MFAP3L: variants seen among roughly 807,000 people sequenced by gnomAD.
MFAP3L encodes microfibril associated protein 3 like, also known as microfibrillar-associated protein 3-like.
A neutral mutation model predicts 20.0 loss-of-function variants in MFAP3L; 5 were observed. The observed-to-expected ratio is 0.25, with a 90% CI of 0.13 to 0.53. The LOEUF (loss-of-function observed/expected upper bound fraction) is 0.53. Ranked by LOEUF, MFAP3L falls within the 20% of genes least tolerant of loss-of-function variation. The pLI is 0.96. For synonymous variants in MFAP3L, 219 were observed against 213.0 expected, an observed-to-expected ratio of 1.03 and a Z score of -0.25; for missense variants, 409 against 527.5, an observed-to-expected ratio of 0.78 and a Z score of 2.20.
At chr4:170,027,091 C>T (rs1002351802), upstream of MFAP3L, 1 of 151,872 alleles carries the variant, frequency 6.6e-6, no homozygotes, top group Admixed American at 6.6e-5. Context: ...GTAATTTCCA[C>T]GTTTTTTCTA....
At position 169,992,421 on chromosome 4, in the gene MFAP3L, C is replaced by T. The variant is rs1737790512; in HGVS notation, c.299-112G>A. On this transcript the variant is annotated intron_variant, in intron 2 of 2. Coordinates refer to ENST00000361618, the MANE Select transcript of MFAP3L (RefSeq NM_021647.8). The surrounding 1 kb of genome is among the most constrained non-coding windows in gnomAD (Gnocchi z 4.3). ...CATCTATGAAGAACATCTATGAAGT[C>T]TATGAACGTCGACTTCACATGCTTA... 1.0e-6 allele frequency: 1 copy of T among 958,206 alleles called. No individual in the cohort carries two copies. The highest frequency in any genetic ancestry group is 1.6e-6 in the Non-Finnish European group (1 of 644,442). 59.4% of individuals were successfully genotyped at this position (958,206 alleles called of 1,614,324 possible). A position where few individuals can be genotyped will look rare whatever the true frequency, so the allele number is the denominator to read the frequency against.
intron 1 of MFAP3L, among the ~76,000 whole-genome samples, chr4:170,023,503 C>T (rs1463105995): frequency 1.3e-5 from 2 of 152,198 alleles, no homozygotes; most frequent in African/African-American, 2.4e-5. Flanking sequence ...CATCTTTCAA[C>T]CATGCCAGGG....
intron 1 of MFAP3L, among the ~76,000 whole-genome samples, chr4:170,023,454 T>C (rs1740159720): frequency 6.6e-6 from 1 of 152,226 alleles, no homozygotes; most frequent in South Asian, 2.1e-4. Context: ...AGCTCTTAAG[T>C]GGTTACACCA....
At chr4:170,004,055 C>T (rs889605484) in intron 2 of MFAP3L, among the ~76,000 whole-genome samples, 6 of 152,174 alleles carry the variant, frequency 3.9e-5, no homozygotes, top group African/African-American at 1.4e-4. Flanking sequence ...CTCCTGGGTT[C>T]AAGAGATTAT....
rs188846769 is a variant in MFAP3L at position 170,019,700 on chromosome 4, A to C, written c.-134+6534T>G. ...GAAGTGGACAATTCTGGAGCACTTT[A>C]TTCTAACCCATTTATTTCCTCAAGG... is the stretch of plus-strand genomic sequence containing the variant. On this transcript the variant is annotated intron_variant, in intron 1 of 2. Coordinates refer to ENST00000361618, the MANE Select transcript of MFAP3L (RefSeq NM_021647.8). Among the ~76,000 whole-genome samples, 231 of 152,330 alleles carry C rather than the reference A, an allele frequency of 1.5e-3. 5 individuals carry two copies. In the South Asian group the frequency reaches 0.028, roughly 18 times the overall value.
chr4:170,023,931 C>A (rs1487500728), intron 1 of MFAP3L, among the ~76,000 whole-genome samples: 1 of 152,144 alleles, frequency 6.6e-6, no homozygotes, highest in Non-Finnish European at 1.5e-5. Flanking sequence ...GGGGATAGAT[C>A]TATTTTTAAA....
intron 2 of MFAP3L, among the ~76,000 whole-genome samples, chr4:170,004,713 C>T (rs1738916114): frequency 6.6e-6 from 1 of 152,114 alleles, no homozygotes; most frequent in Non-Finnish European, 1.5e-5. Context: ...TTGGGGATTG[C>T]TCATTGGTTA....
Position 170,026,383 on chromosome 4 carries a change from T to G in MFAP3L, c.-283A>C, listed in dbSNP as rs1288837225. ...GCCGGCGCCTCACAGCGTTGCGAGC[T>G]GCGCCGCCGGCTGCCGGGAGCGCGG... On this transcript the variant is annotated 5_prime_UTR_variant, in exon 1 of 3. Coordinates refer to ENST00000361618, the MANE Select transcript of MFAP3L (RefSeq NM_021647.8). 14 of 748,674 alleles carry G rather than the reference T, an allele frequency of 1.9e-5. No individual in the cohort carries two copies. In the Admixed American group the frequency reaches 1.9e-4, roughly 10 times the overall value. The allele number at this position is 748,674 out of a possible 1,614,324, so 46.4% of individuals were successfully genotyped here.
At chr4:170,012,409 C>T (rs1406247269) in intron 1 of MFAP3L, among the ~76,000 whole-genome samples, 1 of 152,176 alleles carries the variant, frequency 6.6e-6, no homozygotes, top group Non-Finnish European at 1.5e-5. Context: ...CAGTAGAATA[C>T]ACAAATTAAG....
At chr4:170,026,448 G>C (rs1730430829), upstream of MFAP3L, 3 of 253,364 alleles carry the variant, frequency 1.2e-5, no homozygotes, top group Non-Finnish European at 1.9e-5. Flanking sequence ...CCGGGGCCGA[G>C]CATGCCCAGT....
rs1001035914 is a variant in MFAP3L, at chr4:170,022,256, C to G, written c.-134+3978G>C. On this transcript the variant is annotated intron_variant, in intron 1 of 2. Transcript: ENST00000361618. Reference sequence around the variant, plus strand: ...ATTACAGCATGCTGGTTCCAGACCTCTACTGGCCACTGACCACCTCTTGTT... The same window carrying G: ...ATTACAGCATGCTGGTTCCAGACCTGTACTGGCCACTGACCACCTCTTGTT... Among the ~76,000 whole-genome samples, 4 of 152,212 alleles carry G rather than the reference C, an allele frequency of 2.6e-5. No homozygotes were observed. In the East Asian group the frequency reaches 7.7e-4, roughly 29 times the overall value.
intron 1 of MFAP3L, among the ~76,000 whole-genome samples, chr4:170,014,031 A>C (rs922458956): frequency 2.0e-5 from 3 of 152,234 alleles, no homozygotes; most frequent in African/African-American, 7.2e-5. Context: ...TGCACATCAG[A>C]GGGTTACAAT....
chr4:170,004,486 A>T (rs193078090), intron 2 of MFAP3L, among the ~76,000 whole-genome samples: 3 of 152,342 alleles, frequency 2.0e-5, no homozygotes, highest in African/African-American at 7.2e-5. Flanking sequence ...AAGTGACAGC[A>T]CTACAGCAAA....
intron 2 of MFAP3L, chr4:169,994,241 G>A (rs1177308626): frequency 2.0e-6 from 2 of 985,228 alleles, no homozygotes; most frequent in Admixed American, 6.2e-5. Context: ...GTGGAGGAGG[G>A]TGAGAAGGTG....
intron 1 of MFAP3L, among the ~76,000 whole-genome samples, chr4:170,011,989 C>G (rs1462261504): frequency 6.6e-6 from 1 of 152,074 alleles, no homozygotes; most frequent in Admixed American, 6.5e-5. Flanking sequence ...TGTGCAAGAA[C>G]AGAGGAGGGG....
At chr4:170,022,390 A>G (rs1371407039) in intron 1 of MFAP3L, among the ~76,000 whole-genome samples, 1 of 152,196 alleles carries the variant, frequency 6.6e-6, no homozygotes, top group Non-Finnish European at 1.5e-5. Context: ...CTGGTTTCCC[A>G]TATTTTCTCT....
At position 169,991,532 on chromosome 4, in the gene MFAP3L, G is replaced by A; in HGVS notation, c.1076C>T (p.Pro359Leu). 6.2e-7 allele frequency: 1 copy of A among 1,614,090 alleles called. No homozygotes were observed. Among genetic ancestry groups the A allele is most frequent in the Non-Finnish European group, 8.5e-7 (1 of 1,180,024 alleles). Residue 359 changes from proline to leucine, a missense_variant, in exon 3 of 3, where the codon CCT becomes CTT. Pro to Leu is a moderately conservative substitution (Grantham distance 98, BLOSUM62 -3). Coordinates refer to ENST00000361618, the MANE Select transcript of MFAP3L (RefSeq NM_021647.8). This position sits in a 1 kb window ranked among gnomAD's most constrained non-coding sequence, Gnocchi z 4.9. ...CTCGGTGGACGTGACATCGGTAGAAGGTTCTGCAGTTTCGGGGGAATGTTC... is the reference window on the plus strand; with the variant it reads ...CTCGGTGGACGTGACATCGGTAGAAAGTTCTGCAGTTTCGGGGGAATGTTC... The part of the protein sequence containing the change: ...SAEHSPETAE[P>L]STDVTSTELT...
At chr4:170,015,928 C>G (rs1215690187) in intron 1 of MFAP3L, among the ~76,000 whole-genome samples, 4 of 152,100 alleles carry the variant, frequency 2.6e-5, no homozygotes, top group African/African-American at 9.7e-5. Context: ...GGGGGTCTGA[C>G]CAAGGCCCGT....
At chr4:170,026,942 TGTAA>T (rs201706545), upstream of MFAP3L, 5 of 152,332 alleles carry the variant, frequency 3.3e-5, no homozygotes, top group East Asian at 9.6e-4. Flanking sequence ...GCGACTGCGC[TGTAA>T]GTCTTAAACG....
Sources: allele counts gnomAD v4.1 joint callset (sites outside exome capture counted in the v4.1 genomes callset), GRCh38; gene constraint gnomAD v4.1.1; non-coding constraint Gnocchi (gnomAD v3.1); transcripts MANE v1.5; gene names NCBI Gene and HGNC (gene_info 2026-07-23, HGNC 2026-07-21).